The following ASTN2 variants were observed in gnomAD, a reference collection of about 807,000 sequenced individuals.
ASTN2 encodes astrotactin 2, also known as astrotactin-2.
In ASTN2, 54 loss-of-function variants were observed where a neutral mutation model predicts 139.8. That is an observed-to-expected ratio of 0.39 (90% confidence interval 0.31 to 0.48). The LOEUF is 0.48. Among genes scored for constraint, ASTN2 ranks in the 20% least tolerant of loss-of-function variants. The pLI is 0.95. For missense variants in ASTN2, 1,565 were observed against 1,725.1 expected (o/e 0.91, Z 1.64); for synonymous variants, 756 against 719.5 (o/e 1.05, Z -0.81).
chr9:117,342,006 T>C (rs1829076020), intron 1 of ASTN2, among the ~76,000 whole-genome samples: 1 of 152,226 alleles, frequency 6.6e-6, no homozygotes, highest in South Asian at 2.1e-4. Context: ...TTTGCAGCTA[T>C]AGCTATGGTT....
intron 3 of ASTN2, among the ~76,000 whole-genome samples, chr9:117,206,167 G>A (rs569323460): frequency 1.2e-3 from 188 of 152,274 alleles, no homozygotes; most frequent in Non-Finnish European, 2.1e-3. Context: ...GCAGAGCACC[G>A]AAATGCAGCA....
At chr9:117,408,981 C>A (rs976559923) in intron 1 of ASTN2, among the ~76,000 whole-genome samples, 70 of 152,092 alleles carry the variant, frequency 4.6e-4, no homozygotes, top group African/African-American at 1.6e-3. Context: ...AACACCACCT[C>A]CCCCAAGACC....
chr9:117,076,107 G>C (rs1272519769), intron 5 of ASTN2, among the ~76,000 whole-genome samples: 1 of 152,174 alleles, frequency 6.6e-6, no homozygotes, highest in Non-Finnish European at 1.5e-5. Flanking sequence ...CAATGAGATG[G>C]GCAGTTACAG....
chr9:116,808,373 A>T (rs1438491428), intron 12 of ASTN2, among the ~76,000 whole-genome samples: 1 of 152,070 alleles, frequency 6.6e-6, no homozygotes, highest in Non-Finnish European at 1.5e-5. Context: ...ATTTATATAA[A>T]CACACATATG....
At chr9:116,763,878 C>T (rs930744554) in intron 13 of ASTN2, among the ~76,000 whole-genome samples, 5 of 152,168 alleles carry the variant, frequency 3.3e-5, no homozygotes, top group East Asian at 1.9e-4. Flanking sequence ...TGGGTCTCTG[C>T]GAGAGGGTGA....
chr9:116,840,637 C>T (rs1206245754), intron 11 of ASTN2, among the ~76,000 whole-genome samples: 1 of 119,258 alleles, frequency 8.4e-6, no homozygotes, highest in Admixed American at 8.8e-5. Flanking sequence ...GGCTGCCGGG[C>T]GGAGGGGCTC....
chr9:117,336,675 C>A (rs1828893799), intron 1 of ASTN2, among the ~76,000 whole-genome samples: 1 of 152,190 alleles, frequency 6.6e-6, no homozygotes, highest in Non-Finnish European at 1.5e-5. Flanking sequence ...CTGCCACATT[C>A]CTGACCTTGC....
At chr9:117,319,015 T>A (rs1471880424) in intron 1 of ASTN2, among the ~76,000 whole-genome samples, 1 of 152,216 alleles carries the variant, frequency 6.6e-6, no homozygotes, top group African/African-American at 2.4e-5. Flanking sequence ...GGAAAATTGC[T>A]TCTTCTGAGG....
chr9:117,060,504 A>AG (rs879742826), intron 5 of ASTN2, among the ~76,000 whole-genome samples: 4,313 of 95,584 alleles, frequency 0.045, 621 homozygotes, highest in Non-Finnish European at 0.065. Flanking sequence ...AAAGAAAGAA[A>AG]GAAAGAAAGG....
At chr9:116,693,478 A>C (rs1860677401) in intron 16 of ASTN2, among the ~76,000 whole-genome samples, 1 of 152,244 alleles carries the variant, frequency 6.6e-6, no homozygotes. Context: ...GGGCAGCCAG[A>C]GTAGACACAG....
At chr9:116,748,275 C>T (rs1167406838) in intron 13 of ASTN2, among the ~76,000 whole-genome samples, 1 of 152,208 alleles carries the variant, frequency 6.6e-6, no homozygotes, top group Non-Finnish European at 1.5e-5. Context: ...CTTAACAGAT[C>T]TGCAGGGCCA....
intron 19 of ASTN2, among the ~76,000 whole-genome samples, chr9:116,565,189 A>G (rs1853119161): frequency 1.4e-5 from 2 of 147,214 alleles, no homozygotes; most frequent in South Asian, 2.2e-4. Flanking sequence ...TGCAAGCTTT[A>G]TGAAAAAATC....
intron 10 of ASTN2, among the ~76,000 whole-genome samples, chr9:116,948,282 C>A (rs546239247): frequency 6.6e-6 from 1 of 152,320 alleles, no homozygotes; most frequent in South Asian, 2.1e-4. Flanking sequence ...CTTTCCTCAT[C>A]AAACATTAAA....
chr9:116,769,852 C>T (rs1829909899), intron 13 of ASTN2, among the ~76,000 whole-genome samples: 1 of 151,986 alleles, frequency 6.6e-6, no homozygotes, highest in East Asian at 1.9e-4. Flanking sequence ...CAAGACCATG[C>T]TGGGCAACAT....
rs115600891 is a variant in ASTN2, at chr9:117,340,461, A to C, written c.443-48948T>G. 3.9e-5 allele frequency among the ~76,000 whole-genome samples: 6 copies of C among 152,090 alleles called. No homozygotes were observed. The East Asian group carries it at 1.2e-3, about 29-fold the overall frequency. On this transcript the variant is annotated intron_variant, in intron 1 of 22. Coordinates refer to ENST00000313400, the MANE Select transcript of ASTN2 (RefSeq NM_001365068.1). Reference sequence around the variant, plus strand: ...GAAAAATGCCCGGTGCACCCTGCTAAATTTTTCTGCCACCTCTAAAGAATA... The same window carrying C: ...GAAAAATGCCCGGTGCACCCTGCTACATTTTTCTGCCACCTCTAAAGAATA...
chr9:116,691,891 GC>G (rs1267670325), intron 16 of ASTN2, among the ~76,000 whole-genome samples: 2 of 152,160 alleles, frequency 1.3e-5, no homozygotes, highest in Non-Finnish European at 2.9e-5. Context: ...GATAAACCTT[GC>G]AAAAAACCCA....
chr9:117,125,720 C>G (rs1309681588), intron 4 of ASTN2, among the ~76,000 whole-genome samples: 1 of 152,014 alleles, frequency 6.6e-6, no homozygotes, highest in Non-Finnish European at 1.5e-5. Context: ...TCCGTCAGGG[C>G]AGGTTGTCAC....
intron 1 of ASTN2, among the ~76,000 whole-genome samples, chr9:117,381,704 A>G (rs1323120648): frequency 6.6e-6 from 1 of 152,154 alleles, no homozygotes; most frequent in Admixed American, 6.5e-5. Flanking sequence ...TTTCTTATAA[A>G]TTACCCAGTC....
rs1156476114 is a variant in ASTN2, at chr9:117,016,636, A to C, written c.1424-8377T>G. Among the ~76,000 whole-genome samples, 12 of 21,446 alleles carry C rather than the reference A, an allele frequency of 5.6e-4. 4 individuals are homozygous for C. Among genetic ancestry groups the C allele is most frequent in the South Asian group, 4.7e-3 (3 of 644 alleles). 14.1% of individuals were successfully genotyped at this position (21,446 alleles called of 152,430 possible). On this transcript the variant is annotated intron_variant, in intron 6 of 22. Transcript: ENST00000313400. Reference sequence around the variant, plus strand: ...TATATCTATCTATCTATATATATATATATATATATATATATATATAACCTA... The same window carrying C: ...TATATCTATCTATCTATATATATATCTATATATATATATATATATAACCTA...
Sources: allele counts gnomAD v4.1 joint callset (sites outside exome capture counted in the v4.1 genomes callset), GRCh38; gene constraint gnomAD v4.1.1; transcripts MANE v1.5; gene names NCBI Gene and HGNC (gene_info 2026-07-23, HGNC 2026-07-21).